Variants in HSD11B1 observed in about 807,000 individuals in gnomAD.
The protein encoded by HSD11B1 is hydroxysteroid 11-beta dehydrogenase 1.
Under a neutral mutation model 22.1 loss-of-function variants are expected in HSD11B1, and 15 were observed. That is an observed-to-expected ratio of 0.68 (90% CI 0.45 to 1.04). HSD11B1 has a LOEUF of 1.04. HSD11B1 is among the 50% of genes least tolerant of loss of function. The probability of loss-of-function intolerance (pLI) is 0.00; values close to 1 mark genes in which losing one functional copy is unlikely to be tolerated. For missense variants in HSD11B1, 281 were observed against 357.6 expected (o/e 0.79, Z 1.73); for synonymous variants, 122 against 125.2 (o/e 0.97, Z 0.17).
At chr1:209,730,267 G>A (rs2077027558) in intron 4 of HSD11B1, among the ~76,000 whole-genome samples, 1 of 152,174 alleles carries the variant, frequency 6.6e-6, no homozygotes, top group African/African-American at 2.4e-5. Context: ...CTTACATGAC[G>A]TCTTCAAGAA....
At chr1:209,708,109 C>A (rs1016424962) in intron 4 of HSD11B1, among the ~76,000 whole-genome samples, 7 of 152,094 alleles carry the variant, frequency 4.6e-5, no homozygotes, top group Admixed American at 4.6e-4. Context: ...ATGGTGGTAG[C>A]ATCAGAAGCC....
intron 5 of HSD11B1, among the ~76,000 whole-genome samples, chr1:209,733,104 C>T (rs1465345500): frequency 6.6e-6 from 1 of 152,166 alleles, no homozygotes; most frequent in Non-Finnish European, 1.5e-5. Context: ...TGCTGAACAC[C>T]TTATGTCCTC....
In HSD11B1 at chr1:209,706,809, G is replaced by A; in HGVS notation, c.320G>A (p.Gly107Glu). The A allele has an allele frequency of 6.2e-7, 1 of 1,613,928 alleles. No individual in the cohort carries two copies. The highest frequency in any genetic ancestry group is 8.5e-7 in the Non-Finnish European group (1 of 1,179,818). Residue 107 changes from glycine to glutamate, a missense_variant, in exon 3 of 6, where the codon GGA becomes GAA. Transcript: ENST00000367027. The surrounding 1 kb of genome is among the most constrained non-coding windows in gnomAD (Gnocchi z 4.0). ...GCAGAGCAATTTGTTGCCCAAGCAG[G>A]AAAGCTCATGGGTGAGGCTGTTTCT... Reference protein sequence around the residue: ...TFAEQFVAQAGKLMGGLDMLI... With the variant: ...TFAEQFVAQAEKLMGGLDMLI...
intron 4 of HSD11B1, among the ~76,000 whole-genome samples, chr1:209,715,940 A>G (rs1405386924): frequency 6.6e-6 from 1 of 152,226 alleles, no homozygotes. Context: ...TGATTCAAAA[A>G]TGGGCAAAGG....
chr1:209,699,261 C>T (rs72468060), intron 1 of HSD11B1, among the ~76,000 whole-genome samples: 1,739 of 152,006 alleles, frequency 0.011, 41 homozygotes, highest in East Asian at 0.1. Flanking sequence ...GAATCTTATG[C>T]GTTATTGTAT....
At position 209,706,891 on chromosome 1, in the gene HSD11B1, A is replaced by T. The variant is rs2076863125; in HGVS notation, c.332-52A>T. The T allele has an allele frequency of 6.2e-7, 1 of 1,609,108 alleles. No individual in the cohort carries two copies. ...GTCACCAAGAGCTTTTGGGAGGAGA[A>T]TGGGAAAGGTATCAACCCCAGATGA... is the stretch of plus-strand genomic sequence containing the variant. On this transcript the variant is annotated intron_variant, in intron 3 of 5. Coordinates refer to ENST00000367027, the MANE Select transcript of HSD11B1 (RefSeq NM_005525.4). The surrounding 1 kb of genome is among the most constrained non-coding windows in gnomAD (Gnocchi z 4.0).
At chr1:209,720,775 A>G (rs1039931061) in intron 4 of HSD11B1, among the ~76,000 whole-genome samples, 4 of 152,062 alleles carry the variant, frequency 2.6e-5, no homozygotes, top group African/African-American at 9.7e-5. Context: ...GGGTCTGTGG[A>G]TTAGATAACA....
intron 4 of HSD11B1, among the ~76,000 whole-genome samples, chr1:209,718,603 T>C (rs568209168): frequency 1.4e-4 from 21 of 152,094 alleles, no homozygotes; most frequent in Admixed American, 3.3e-4. Flanking sequence ...TGTGGGGAAA[T>C]TGGAATGCTG....
chr1:209,704,488 T>C (rs774321904), upstream of HSD11B1, among the ~76,000 whole-genome samples: 24 of 152,106 alleles, frequency 1.6e-4, no homozygotes, highest in Non-Finnish European at 5.9e-5. Context: ...AGATTTGGCT[T>C]GAGTTTGGCT....
At chr1:209,715,516 T>G (rs753060825) in intron 4 of HSD11B1, among the ~76,000 whole-genome samples, 15 of 152,154 alleles carry the variant, frequency 9.9e-5, no homozygotes, top group Non-Finnish European at 2.1e-4. Context: ...AATCTTGTTC[T>G]GCCAGTAAGT....
At chr1:209,718,161 T>C (rs1297297779) in intron 4 of HSD11B1, among the ~76,000 whole-genome samples, 1 of 152,118 alleles carries the variant, frequency 6.6e-6, no homozygotes, top group Non-Finnish European at 1.5e-5. Context: ...TTAGAAGGAA[T>C]AATTTCTAAT....
At chr1:209,705,510 T>A (rs940302113) in intron 1 of HSD11B1, among the ~76,000 whole-genome samples, 3 of 152,050 alleles carry the variant, frequency 2.0e-5, no homozygotes, top group Non-Finnish European at 4.4e-5. Context: ...AGTCCAGAAA[T>A]GTCTGGAACT....
intron 4 of HSD11B1, among the ~76,000 whole-genome samples, chr1:209,715,378 GC>G (rs2076923794): frequency 6.6e-6 from 1 of 151,924 alleles, no homozygotes; most frequent in African/African-American, 2.4e-5. Flanking sequence ...CACACTTGGT[GC>G]CCAGATCTTG....
upstream of HSD11B1, among the ~76,000 whole-genome samples, chr1:209,700,016 C>A (rs2076816992): frequency 6.6e-6 from 1 of 152,238 alleles, no homozygotes; most frequent in African/African-American, 2.4e-5. Flanking sequence ...GTACAGCCTC[C>A]ATCCTGGCTG....
intron 5 of HSD11B1, among the ~76,000 whole-genome samples, chr1:209,733,561 C>T (rs929931892): frequency 1.1e-4 from 16 of 152,076 alleles, no homozygotes; most frequent in African/African-American, 3.9e-4. Flanking sequence ...TAAATCATTG[C>T]ACAATGGTTA....
chr1:209,723,059 A>T (rs898290093), intron 4 of HSD11B1, among the ~76,000 whole-genome samples: 1 of 152,284 alleles, frequency 6.6e-6, no homozygotes, highest in East Asian at 1.9e-4. Flanking sequence ...TTTCTGGGAC[A>T]GAGCTAATTA....
At chr1:209,721,845 C>G (rs955809765) in intron 4 of HSD11B1, among the ~76,000 whole-genome samples, 7 of 152,226 alleles carry the variant, frequency 4.6e-5, no homozygotes, top group Admixed American at 2.6e-4. Flanking sequence ...AGCAAGGGCA[C>G]TTCCAGCCCT....
chr1:209,717,871 CAAA>C (rs1015577238), intron 4 of HSD11B1, among the ~76,000 whole-genome samples: 2 of 39,630 alleles, frequency 5.0e-5, no homozygotes, highest in Non-Finnish European at 6.0e-5. Flanking sequence ...GACTCCATCT[CAAA>C]AAAAAAAAAA....
chr1:209,711,308 T>C (rs4844889), intron 4 of HSD11B1, among the ~76,000 whole-genome samples: 1 of 152,144 alleles, frequency 6.6e-6, no homozygotes, highest in African/African-American at 2.4e-5. Flanking sequence ...AATGTTTCAA[T>C]GTATAGCTGT....
Sources: allele counts gnomAD v4.1 joint callset (sites outside exome capture counted in the v4.1 genomes callset), GRCh38; gene constraint gnomAD v4.1.1; non-coding constraint Gnocchi (gnomAD v3.1); transcripts MANE v1.5; gene names NCBI Gene and HGNC (gene_info 2026-07-23, HGNC 2026-07-21).